The following LGI3 variants were observed in gnomAD, a reference collection of about 807,000 sequenced individuals.
LGI3 encodes the protein leucine-rich repeat LGI family member 3.
Under a neutral mutation model 55.4 loss-of-function variants are expected in LGI3, and 47 were observed. The ratio of observed to expected loss-of-function variants is 0.85; its 90% CI spans 0.67 to 1.08. LGI3 has a LOEUF of 1.08. LGI3 is among the 50% of genes least tolerant of loss of function. The probability of loss-of-function intolerance (pLI) is 0.00; values close to 1 mark genes in which losing one functional copy is unlikely to be tolerated. For synonymous variants in LGI3, 326 were observed against 315.0 expected (o/e 1.04, Z -0.37); for missense variants, 664 against 726.3 (o/e 0.91, Z 0.99).
Position 22,155,393 on chromosome 8 carries a change from A to G in LGI3, c.277T>C (p.Leu93=), listed in dbSNP as rs1827474594. 1 of 1,613,714 alleles carries G rather than the reference A, an allele frequency of 6.2e-7. No homozygotes were observed. The highest frequency in any genetic ancestry group is 8.5e-7 in the Non-Finnish European group (1 of 1,179,898). The change falls in exon 2 of 8, where the codon TTG becomes CTG. Residue 93 remains leucine, a splice_region_variant and synonymous_variant. Coordinates refer to ENST00000306317, the MANE Select transcript of LGI3 (RefSeq NM_139278.4). ...AFSHLPLLQF[L]LLNSNKFTLI... ...CCTTCCACAAGGCCCTATCCATACA[A>G]GAACTGCAGCAGCGGGAGGTGGGAG... is the stretch of plus-strand genomic sequence containing the variant.
intron 3 of LGI3, 148 bp from the exon 4 acceptor site, chr8:22,154,361 G>T: frequency 1.3e-6 from 1 of 795,992 alleles, no homozygotes. Context: ...TAGAGATAGA[G>T]CATCAGGTAG....
At position 22,149,204 on chromosome 8, in the gene LGI3, G is replaced by T. The variant is rs1428986656; in HGVS notation, c.830-227C>A. ...CCCTTGTTCCACCCATAACCCTAGGGTTCAAATATAAGCTGACATAGCACA... is the reference window on the plus strand; with the variant it reads ...CCCTTGTTCCACCCATAACCCTAGGTTTCAAATATAAGCTGACATAGCACA... On this transcript the variant is annotated intron_variant, in intron 7 of 7. Transcript: ENST00000306317. Among the ~76,000 whole-genome samples the T allele has an allele frequency of 1.3e-5, 2 of 152,214 alleles. 1 individual carries two copies.
At chr8:22,151,429 TG>T (rs1827375883) in intron 7 of LGI3, 59 bp downstream of exon 7, 2 of 1,525,126 alleles carry the variant, frequency 1.3e-6, no homozygotes, top group African/African-American at 2.7e-5. Flanking sequence ...GGTTGAACGA[TG>T]GAGCCCACTC....
In LGI3 at chr8:22,156,359, G is replaced by C; in HGVS notation, c.184C>G (p.Leu62Val). The C allele has an allele frequency of 6.2e-7, 1 of 1,609,110 alleles. No individual in the cohort carries two copies. Among genetic ancestry groups the C allele is most frequent in the Non-Finnish European group, 8.5e-7 (1 of 1,178,504 alleles). Reference protein sequence around the residue: ...CVDSKAVPRNLPSEVISLTLV... With the variant: ...CVDSKAVPRNVPSEVISLTLV... ...CACAGGGAGATGACCTCCGAGGGCA[G>C]GTTCCTGGGCACCGCCTTTGAGTCC... is the stretch of plus-strand genomic sequence containing the variant. Residue 62 changes from leucine to valine, a missense_variant, in exon 1 of 8, where the codon CTG (leucine) becomes GTG (valine). Transcript: ENST00000306317.
chr8:22,155,720 C>T (rs917073043), intron 1 of LGI3, among the ~76,000 whole-genome samples: 3 of 152,234 alleles, frequency 2.0e-5, no homozygotes, highest in Non-Finnish European at 4.4e-5. Context: ...GAAAAGGTTC[C>T]ATCACCCACA....
At chr8:22,150,515 C>T (rs1013852835) in intron 7 of LGI3, among the ~76,000 whole-genome samples, 36 of 152,030 alleles carry the variant, frequency 2.4e-4, no homozygotes, top group Non-Finnish European at 1.8e-4. Flanking sequence ...CCTGCCACCA[C>T]GCCCAGCTAA....
chr8:22,151,935 T>G lies in LGI3; in HGVS notation c.560A>C (p.His187Pro), dbSNP rs1403946803. The G allele has an allele frequency of 1.2e-6, 2 of 1,612,768 alleles. No individual in the cohort carries two copies. The highest frequency in any genetic ancestry group is 1.7e-6 in the Non-Finnish European group (2 of 1,179,678). The part of the protein sequence containing the change: ...KVKWLVEWLA[H>P]TNTTVAPIYC... ...GATGGGTGCCACCGTGGTGTTGGTG[T>G]GTGCCAGCCACTCCACCAACCACTT... Residue 187 changes from histidine to proline, a missense_variant, in exon 6 of 8, where the codon CAC (histidine) becomes CCC (proline). Transcript: ENST00000306317.
Position 22,148,339 on chromosome 8 carries a change from T to C in LGI3, c.1468A>G (p.Thr490Ala), listed in dbSNP as rs1227418194. 7 of 1,613,406 alleles carry C rather than the reference T, an allele frequency of 4.3e-6. No homozygotes were observed. The South Asian group carries it at 7.7e-5, about 18-fold the overall frequency. The change falls in exon 8 of 8, where the codon ACC becomes GCC. Residue 490 changes from threonine to alanine, a missense_variant. By Grantham distance (58) the Thr-to-Ala change is moderately conservative. Transcript: ENST00000306317. This position sits in a 1 kb window ranked among gnomAD's most constrained non-coding sequence, Gnocchi z 7.0. ...CCCTCATCCCACTGGTAGATCTGGG[T>C]GAAGGAGAAATCACTGCCCAGTGCC... Reference protein sequence around the residue: ...YLALGSDFSFTQIYQWDEGRQ... With the variant: ...YLALGSDFSFAQIYQWDEGRQ...
At position 22,154,209 on chromosome 8, in the gene LGI3, T is replaced by C. The variant is rs1346214231; in HGVS notation, c.355A>G (p.Ile119Val). ...AGTGCCCAGATGTCATTGTTCTCAA[T>C]GAAGCTGGGGAAAGCGGGAACTTGC... ...TGLSHLQYLF[I>V]ENNDIWALSK... Residue 119 changes from isoleucine (I) to valine (V), a missense_variant, in exon 4 of 8, where the codon ATT becomes GTT. Physicochemically the swap from Ile to Val is conservative, Grantham distance 29. Coordinates refer to ENST00000306317, the MANE Select transcript of LGI3 (RefSeq NM_139278.4). 3.7e-6 allele frequency: 6 copies of C among 1,613,866 alleles called. No individual in the cohort carries two copies. Among genetic ancestry groups the C allele is most frequent in the Non-Finnish European group, 5.1e-6 (6 of 1,179,906 alleles).
rs756605767 is a variant in LGI3, at chr8:22,148,710, G to C, written c.1097C>G (p.Ser366Cys). The change falls in exon 8 of 8, where the codon TCC (serine) becomes TGC (cysteine). Residue 366 changes from serine to cysteine, a missense_variant. Coordinates refer to ENST00000306317, the MANE Select transcript of LGI3 (RefSeq NM_139278.4). This position sits in a 1 kb window ranked among gnomAD's most constrained non-coding sequence, Gnocchi z 7.0. ...GTGCCAGGGGTGCAGTGCCTGGTGG[G>C]AGTAGAAGCCATTCTGGTGCCAGCG... The part of the protein sequence containing the change: ...LYRWHQNGFY[S>C]HQALHPWHRD... 38 of 1,614,028 alleles carry C rather than the reference G, an allele frequency of 2.4e-5. No homozygotes were observed. The highest frequency in any genetic ancestry group is 3.0e-5 in the Non-Finnish European group (35 of 1,180,032).
At position 22,148,834 on chromosome 8, in the gene LGI3, G is replaced by A. The variant is rs781148143; in HGVS notation, c.973C>T (p.Arg325Cys). 32 of 1,614,048 alleles carry A rather than the reference G, an allele frequency of 2.0e-5. No individual in the cohort carries two copies. The highest frequency in any genetic ancestry group is 3.3e-4 in the Middle Eastern group (2 of 6,084). The change falls in exon 8 of 8, where the codon CGC becomes TGC. Residue 325 changes from arginine to cysteine, a missense_variant. By Grantham distance (180) the Arg-to-Cys change is radical. Coordinates refer to ENST00000306317, the MANE Select transcript of LGI3 (RefSeq NM_139278.4). This position sits in a 1 kb window ranked among gnomAD's most constrained non-coding sequence, Gnocchi z 7.0. The stretch of plus-strand genomic sequence containing the variant: ...TCTAGGTCGTTAGGCTTGCGCACGC[G>A]CTGCGGGTCAATGTCTTGCAGCCTG... The part of the protein sequence containing the change: ...FTRLQDIDPQ[R>C]VRKPNDLEAF...
Position 22,151,476 on chromosome 8 carries a change from T to G in LGI3, c.829+13A>C. 26 of 1,612,470 alleles carry G rather than the reference T, an allele frequency of 1.6e-5. No homozygotes were observed. The highest frequency in any genetic ancestry group is 2.2e-5 in the Non-Finnish European group (26 of 1,179,154). ...CTAGCAAGGGCCAGCAGAACCAGATTGGGCGCAGGTACCTGGGATTCTATC... is the reference window on the plus strand; with the variant it reads ...CTAGCAAGGGCCAGCAGAACCAGATGGGGCGCAGGTACCTGGGATTCTATC... On this transcript the variant is annotated intron_variant, in intron 7 of 7. Transcript: ENST00000306317.
Position 22,156,701 on chromosome 8 carries a change from T to G in LGI3, c.-159A>C. The G allele has an allele frequency of 2.2e-5, 5 of 228,848 alleles. No homozygotes were observed. The highest frequency in any genetic ancestry group is 1.7e-5 in the Non-Finnish European group (2 of 120,656). The allele number at this position is 228,848 out of a possible 1,614,324, so 14.2% of individuals were successfully genotyped here. A position where few individuals can be genotyped will look rare whatever the true frequency, so the allele number is the denominator to read the frequency against. On this transcript the variant is annotated 5_prime_UTR_variant, in exon 1 of 8. Transcript: ENST00000306317. Reference sequence around the variant, plus strand: ...ACTCCTCCTGCCCTCGGGCGCCGGCTGCGGTCCCCTCCCCTGCTCGCTCCC... The same window carrying G: ...ACTCCTCCTGCCCTCGGGCGCCGGCGGCGGTCCCCTCCCCTGCTCGCTCCC...
At chr8:22,150,871 T>C (rs1186717122) in intron 7 of LGI3, among the ~76,000 whole-genome samples, 1 of 151,752 alleles carries the variant, frequency 6.6e-6, no homozygotes, top group Non-Finnish European at 1.5e-5. Flanking sequence ...CTGGTACTCA[T>C]CAATATCTCG....
intron 2 of LGI3, 37 bp downstream of exon 2, chr8:22,155,355 T>C (rs1380070309): frequency 6.3e-7 from 1 of 1,597,578 alleles, no homozygotes; most frequent in Non-Finnish European, 8.6e-7. Flanking sequence ...TACCACCCCA[T>C]AGTTCCCCCA....
intron 7 of LGI3, among the ~76,000 whole-genome samples, chr8:22,149,854 G>GC (rs1257179979): frequency 4.6e-5 from 7 of 152,032 alleles, no homozygotes; most frequent in African/African-American, 1.7e-4. Flanking sequence ...GGTCTGCCCT[G>GC]CCCAGATGCT....
At chr8:22,153,929 T>G in intron 5 of LGI3, 39 bp downstream of exon 5, 1 of 1,600,468 alleles carries the variant, frequency 6.2e-7, no homozygotes, top group African/African-American at 1.3e-5. Context: ...GGATGCGCCC[T>G]CTGCGGCACT....
At position 22,147,977 on chromosome 8, in the gene LGI3, G is replaced by C. The variant is rs1486711557; in HGVS notation, c.*183C>G. 6.9e-6 allele frequency: 4 copies of C among 583,704 alleles called. No individual in the cohort carries two copies. In the African/African-American group the frequency reaches 7.5e-5, roughly 11 times the overall value. 36.2% of individuals were successfully genotyped at this position (583,704 alleles called of 1,614,324 possible). A position where few individuals can be genotyped will look rare whatever the true frequency, so the allele number is the denominator to read the frequency against. ...GTGCCTGGTGTTCATGCTGATTGCAGTGATGATGCACGTCCTCCTGGGCCA... is the reference window on the plus strand; with the variant it reads ...GTGCCTGGTGTTCATGCTGATTGCACTGATGATGCACGTCCTCCTGGGCCA... On this transcript the variant is annotated 3_prime_UTR_variant, in exon 8 of 8. Transcript: ENST00000306317.
rs771897102 is a variant in LGI3 at position 22,148,304 on chromosome 8, C to A, written c.1503G>T (p.Lys501Asn). 6.2e-7 allele frequency: 1 copy of A among 1,614,198 alleles called. No homozygotes were observed. The highest frequency in any genetic ancestry group is 1.7e-5 in the Admixed American group (1 of 60,024). Residue 501 changes from lysine to asparagine, a missense_variant, in exon 8 of 8, where the codon AAG becomes AAT. By Grantham distance (94) the Lys-to-Asn change is moderately conservative. Transcript: ENST00000306317. The surrounding 1 kb of genome is among the most constrained non-coding windows in gnomAD (Gnocchi z 7.0). ...QIYQWDEGRQ[K>N]FVRFQELAVQ... ...CAGCCAGCTCCTGGAACCGTACAAA[C>A]TTCTGTCGTCCCTCATCCCACTGGT...
Sources: allele counts gnomAD v4.1 joint callset (sites outside exome capture counted in the v4.1 genomes callset), GRCh38; gene constraint gnomAD v4.1.1; non-coding constraint Gnocchi (gnomAD v3.1); transcripts MANE v1.5; gene names NCBI Gene and HGNC (gene_info 2026-07-23, HGNC 2026-07-21).